ICE1: variants seen among roughly 807,000 people sequenced by gnomAD.
ICE1 encodes the protein interactor of little elongation complex ELL subunit 1, also known as little elongation complex subunit 1.
A neutral mutation model predicts 192.7 loss-of-function variants in ICE1; 64 were observed. The observed-to-expected ratio is 0.33, with a 90% CI of 0.27 to 0.41. The LOEUF is 0.41. Among genes scored for constraint, ICE1 ranks in the 10% least tolerant of loss-of-function variants. ICE1 has a pLI of 1.00. For missense variants in ICE1, 2,708 were observed against 2,696.0 expected, an observed-to-expected ratio of 1.00 and a Z score of -0.10; for synonymous variants, 1,010 against 984.5, an observed-to-expected ratio of 1.03 and a Z score of -0.49.
intron 17 of ICE1, among the ~76,000 whole-genome samples, chr5:5,480,405 A>C (rs1204526592): frequency 6.6e-6 from 1 of 151,418 alleles, no homozygotes; most frequent in Non-Finnish European, 1.5e-5. Flanking sequence ...GCCCGCCACC[A>C]CGCCCGGCTA....
At chr5:5,458,443 C>A (rs958800566) in intron 12 of ICE1, among the ~76,000 whole-genome samples, 6 of 151,242 alleles carry the variant, frequency 4.0e-5, no homozygotes, top group African/African-American at 1.2e-4. Flanking sequence ...CTGTGTAGAG[C>A]CCTGCAGTGG....
intron 1 of ICE1, among the ~76,000 whole-genome samples, chr5:5,435,744 A>T (rs1231847216): frequency 7.2e-6 from 1 of 139,504 alleles, no homozygotes; most frequent in Non-Finnish European, 1.5e-5. Flanking sequence ...ATCTCGGCTC[A>T]CTGCAACCTC....
intron 16 of ICE1, among the ~76,000 whole-genome samples, chr5:5,475,175 C>T (rs983348146): frequency 1.3e-5 from 2 of 152,124 alleles, no homozygotes; most frequent in East Asian, 1.9e-4. Flanking sequence ...GCTTCGTCCA[C>T]GATCCCTGCA....
intron 18 of ICE1, 60 bp downstream of exon 18, chr5:5,486,879 T>A (rs2111409235): frequency 1.6e-6 from 2 of 1,232,526 alleles, no homozygotes; most frequent in East Asian, 5.1e-5. Context: ...TAGTTAAACC[T>A]TTTTTGGGGT....
rs1429942915 is a variant in ICE1 at position 5,483,028 on chromosome 5, T to C, written c.6521-3693T>C. Among the ~76,000 whole-genome samples, 3 of 152,318 alleles carry C rather than the reference T, an allele frequency of 2.0e-5. No individual in the cohort carries two copies. The East Asian group carries it at 5.8e-4, about 29-fold the overall frequency. Reference sequence around the variant, plus strand: ...TTTTTGAGACGGAGTTTCGCTCTTGTTGCCCAAGCTGGAGTGCAATGGCGT... The same window carrying C: ...TTTTTGAGACGGAGTTTCGCTCTTGCTGCCCAAGCTGGAGTGCAATGGCGT... On this transcript the variant is annotated intron_variant, in intron 17 of 18. Transcript: ENST00000296564.
intron 10 of ICE1, among the ~76,000 whole-genome samples, chr5:5,450,926 G>A (rs1445241869): frequency 1.3e-5 from 2 of 152,088 alleles, no homozygotes; most frequent in African/African-American, 2.4e-5. Flanking sequence ...GAGAGCAAAA[G>A]CAGACAAGGG....
intron 4 of ICE1, among the ~76,000 whole-genome samples, 156 bp downstream of exon 4, chr5:5,440,069 G>T (rs908684422): frequency 6.6e-6 from 1 of 152,116 alleles, no homozygotes; most frequent in Non-Finnish European, 1.5e-5. Flanking sequence ...TAATAAAATA[G>T]GACTCAAGTT....
chr5:5,462,992 A>G lies in ICE1; in HGVS notation c.3658A>G (p.Arg1220Gly). The G allele has an allele frequency of 6.2e-7, 1 of 1,613,628 alleles. No homozygotes were observed. The highest frequency in any genetic ancestry group is 8.5e-7 in the Non-Finnish European group (1 of 1,179,802). Residue 1220 changes from arginine (R) to glycine (G), a missense_variant, in exon 13 of 19, where the codon AGA becomes GGA. By Grantham distance (125) the Arg-to-Gly change is moderately radical (BLOSUM62 -2). Transcript: ENST00000296564. ...LKASEIGEKY[R>G]KQPCEEETLG... ...GGCAAGTGAAATAGGAGAAAAATAC[A>G]GAAAGCAACCCTGTGAGGAAGAAAC...
At chr5:5,465,635 G>A (rs1362692288) in intron 13 of ICE1, among the ~76,000 whole-genome samples, 2 of 152,024 alleles carry the variant, frequency 1.3e-5, no homozygotes, top group Admixed American at 1.3e-4. Flanking sequence ...AAAAGGGATG[G>A]TTTAAATTTA....
At position 5,489,366 on chromosome 5, in the gene ICE1, C is replaced by T. The variant is rs1739725798; in HGVS notation, c.*36C>T. Reference sequence around the variant, plus strand: ...CACTGAGGCTTGAGAAGTGCCTTGACACATTTTGAACACAAATAGTTTGAT... The same window carrying T: ...CACTGAGGCTTGAGAAGTGCCTTGATACATTTTGAACACAAATAGTTTGAT... On this transcript the variant is annotated 3_prime_UTR_variant, in exon 19 of 19. Coordinates refer to ENST00000296564, the MANE Select transcript of ICE1 (RefSeq NM_015325.3). 4 of 1,532,216 alleles carry T rather than the reference C, an allele frequency of 2.6e-6. No individual in the cohort carries two copies. The highest frequency in any genetic ancestry group is 1.8e-6 in the Non-Finnish European group (2 of 1,137,754). 94.9% of individuals were successfully genotyped at this position (1,532,216 alleles called of 1,614,324 possible). A position where few individuals can be genotyped will look rare whatever the true frequency, so the allele number is the denominator to read the frequency against.
chr5:5,473,715 A>G lies in ICE1; in HGVS notation c.6380A>G (p.Gln2127Arg). The G allele has an allele frequency of 6.2e-7, 1 of 1,610,464 alleles. No homozygotes were observed. The highest frequency in any genetic ancestry group is 8.5e-7 in the Non-Finnish European group (1 of 1,178,996). The change falls in exon 16 of 19, where the codon CAG becomes CGG. Residue 2127 changes from glutamine (Q) to arginine (R), a missense_variant. Physicochemically the swap from Gln to Arg is conservative, Grantham distance 43. Transcript: ENST00000296564. ...GCCATTGATCTGCTCTGCTGCCATC[A>G]GAAATGGATCTGGACGCATGATAAC... Reference protein sequence around the residue: ...IFAIDLLCCHQKWIWTHDNII... With the variant: ...IFAIDLLCCHRKWIWTHDNII...
At chr5:5,441,371 T>G in intron 5 of ICE1, 148 bp downstream of exon 5, 1 of 594,140 alleles carries the variant, frequency 1.7e-6, no homozygotes, top group Non-Finnish European at 3.1e-6. Flanking sequence ...TAGAGAACAT[T>G]GAACTAACTG....
chr5:5,485,082 T>G (rs1739603630), intron 17 of ICE1, among the ~76,000 whole-genome samples: 1 of 152,000 alleles, frequency 6.6e-6, no homozygotes, highest in African/African-American at 2.4e-5. Context: ...TTGGGGAATT[T>G]GGTTGCCCTG....
chr5:5,477,975 T>C (rs1031336027), intron 17 of ICE1, among the ~76,000 whole-genome samples: 4 of 152,138 alleles, frequency 2.6e-5, no homozygotes, highest in African/African-American at 9.6e-5. Flanking sequence ...TGATGGAACA[T>C]AACATAATTA....
At chr5:5,445,774 C>T (rs1738201397) in intron 7 of ICE1, among the ~76,000 whole-genome samples, 1 of 151,716 alleles carries the variant, frequency 6.6e-6, no homozygotes, top group Non-Finnish European at 1.5e-5. Flanking sequence ...GCTCTGTCGC[C>T]TAGACTGGAG....
At chr5:5,448,903 CTT>C (rs1738330621) in intron 10 of ICE1, among the ~76,000 whole-genome samples, 1 of 152,130 alleles carries the variant, frequency 6.6e-6, no homozygotes, top group Admixed American at 6.5e-5. Context: ...TTCTTTGTCT[CTT>C]GTGTATGGAA....
At chr5:5,482,775 A>ACAC (rs1554017071) in intron 17 of ICE1, among the ~76,000 whole-genome samples, 6 of 135,996 alleles carry the variant, frequency 4.4e-5, no homozygotes, top group South Asian at 2.5e-4. Flanking sequence ...CCCACCCCCC[A>ACAC]ACACACACAC....
Position 5,473,549 on chromosome 5 carries a change from A to T in ICE1, c.6223-9A>T, listed in dbSNP as rs2111396764. ...TCCAGATTTTATTTTATTTCTTTTC[A>T]TTTGCTAGAATGCCCCGGTAGATGT... is the stretch of plus-strand genomic sequence containing the variant. On this transcript the variant is annotated splice_polypyrimidine_tract_variant and intron_variant, in intron 15 of 18. Transcript: ENST00000296564. The T allele has an allele frequency of 6.3e-7, 1 of 1,598,400 alleles. No individual in the cohort carries two copies. Among genetic ancestry groups the T allele is most frequent in the East Asian group, 2.2e-5 (1 of 44,650 alleles).
At chr5:5,485,862 G>A (rs1454641452) in intron 17 of ICE1, among the ~76,000 whole-genome samples, 1 of 152,200 alleles carries the variant, frequency 6.6e-6, no homozygotes, top group African/African-American at 2.4e-5. Context: ...TTGCTTAAAA[G>A]CTCAGATGTT....
Sources: allele counts gnomAD v4.1 joint callset (sites outside exome capture counted in the v4.1 genomes callset), GRCh38; gene constraint gnomAD v4.1.1; transcripts MANE v1.5; gene names NCBI Gene and HGNC (gene_info 2026-07-23, HGNC 2026-07-21).